TMEM8B: variants seen among roughly 807,000 people sequenced by gnomAD.
TMEM8B encodes transmembrane protein 8B.
Under a neutral mutation model 49.3 loss-of-function variants are expected in TMEM8B, and 29 were observed. The ratio of observed to expected loss-of-function variants is 0.59; its 90% CI spans 0.44 to 0.80. The LOEUF (loss-of-function observed/expected upper bound fraction) is 0.80. TMEM8B is among the 30% of genes least tolerant of loss of function. The pLI, the probability that TMEM8B is intolerant of heterozygous loss-of-function variation, is 0.00. For synonymous variants in TMEM8B, 264 were observed against 272.8 expected, an observed-to-expected ratio of 0.97 and a Z score of 0.32; for missense variants, 575 against 658.5, an observed-to-expected ratio of 0.87 and a Z score of 1.39.
rs564715522 is a variant in TMEM8B at position 35,844,848 on chromosome 9, A to G, written c.1636-1127A>G. Among the ~76,000 whole-genome samples the G allele has an allele frequency of 7.2e-5, 11 of 152,328 alleles. No individual in the cohort carries two copies. The South Asian group carries it at 1.9e-3, about 26-fold the overall frequency. On this transcript the variant is annotated intron_variant, in intron 6 of 12. Transcript: ENST00000643932. ...TTTACATTCCATCCATCTGCATTCT[A>G]TGACGCGTGCTAAGCACCTCAGCCT...
Position 35,846,957 on chromosome 9 carries a change from G to A in TMEM8B, c.2137G>A (p.Glu713Lys). ...GGCCATTCGGAGTCGATATGTGCTG[G>A]AAGCTGCAGTCTACACCTTCACCAT... ...VLAIRSRYVL[E>K]AAVYTFTMFF... The change falls in exon 10 of 13, where the codon GAA (glutamate) becomes AAA (lysine). Residue 713 changes from glutamate to lysine, a missense_variant. Transcript: ENST00000643932. 2 of 1,614,216 alleles carry A rather than the reference G, an allele frequency of 1.2e-6. No individual in the cohort carries two copies. Among genetic ancestry groups the A allele is most frequent in the South Asian group, 2.2e-5 (2 of 91,080 alleles).
chr9:35,852,750 C>T lies in TMEM8B; in HGVS notation c.2176-77C>T, dbSNP rs910938427. On this transcript the variant is annotated intron_variant, in intron 10 of 12. Transcript: ENST00000643932. ...CTGCACTGACAGCAGCACACCACCCCTGGGCCCACCCCTCCGGTTTTGTAG... is the reference window on the plus strand; with the variant it reads ...CTGCACTGACAGCAGCACACCACCCTTGGGCCCACCCCTCCGGTTTTGTAG... 33 of 1,577,998 alleles carry T rather than the reference C, an allele frequency of 2.1e-5. No individual in the cohort carries two copies. The African/African-American group carries it at 3.8e-4, about 18-fold the overall frequency.
At chr9:35,850,671 A>C (rs1429521922) in intron 10 of TMEM8B, among the ~76,000 whole-genome samples, 2 of 152,238 alleles carry the variant, frequency 1.3e-5, no homozygotes, top group African/African-American at 2.4e-5. Context: ...GCAAATTCCT[A>C]GGAGAAAGTC....
chr9:35,831,057 A>G (rs1440080179), intron 1 of TMEM8B, among the ~76,000 whole-genome samples: 1 of 152,196 alleles, frequency 6.6e-6, no homozygotes, highest in Non-Finnish European at 1.5e-5. Context: ...GGGGTGGAGA[A>G]TGGGTATCAG....
chr9:35,833,747 C>G (rs779140204), intron 1 of TMEM8B, among the ~76,000 whole-genome samples: 5 of 152,168 alleles, frequency 3.3e-5, no homozygotes, highest in Non-Finnish European at 7.3e-5. Context: ...CCTGATGACT[C>G]TCCTTTCCTG....
At chr9:35,844,768 GC>G in intron 6 of TMEM8B, among the ~76,000 whole-genome samples, 1 of 152,160 alleles carries the variant, frequency 6.6e-6, no homozygotes, top group Non-Finnish European at 1.5e-5. Flanking sequence ...CCCTCCTGCA[GC>G]CCCTCACCCT....
rs920327294 is a variant in TMEM8B, at chr9:35,841,359, C to T, written c.1040+92C>T. ...CTCTCTTGGCTTCTCCACCTACCTGCCTGGTCCCTGGGTGGGATCCCTGCC... is the reference window on the plus strand; with the variant it reads ...CTCTCTTGGCTTCTCCACCTACCTGTCTGGTCCCTGGGTGGGATCCCTGCC... On this transcript the variant is annotated intron_variant, in intron 4 of 12. Transcript: ENST00000643932. This position sits in a 1 kb window ranked among gnomAD's most constrained non-coding sequence, Gnocchi z 5.9. The T allele has an allele frequency of 2.4e-6, 1 of 414,766 alleles. No homozygotes were observed. Among genetic ancestry groups the T allele is most frequent in the Non-Finnish European group, 4.4e-6 (1 of 227,156 alleles). The allele number at this position is 414,766 out of a possible 1,614,324, so 25.7% of individuals were successfully genotyped here.
At chr9:35,845,294 A>G (rs1831411787) in intron 6 of TMEM8B, 31 of 669,144 alleles carry the variant, frequency 4.6e-5, no homozygotes, top group Non-Finnish European at 5.5e-5. Context: ...GACAGACTTT[A>G]TTTTCCTGTC....
In TMEM8B at chr9:35,834,476, CTGAT is replaced by C; in HGVS notation, c.526_529del (p.Asp176ThrfsTer9). On this transcript the variant is annotated frameshift_variant, in exon 2 of 13. Transcript: ENST00000643932. LOFTEE classifies it high-confidence loss of function. ...TGCTTCCCAGGAGGCCTTTTCCTGA[CTGAT>C]TACTCCACCTGCTCACCCCGCAAGC... is the stretch of plus-strand genomic sequence containing the variant. The C allele has an allele frequency of 2.4e-6, 1 of 416,384 alleles. No homozygotes were observed. The highest frequency in any genetic ancestry group is 4.4e-6 in the Non-Finnish European group (1 of 226,686). 25.8% of individuals were successfully genotyped at this position (416,384 alleles called of 1,614,324 possible).
rs1464193814 is a variant in TMEM8B at position 35,841,253 on chromosome 9, C to T, written c.1026C>T (p.Arg342=). 1 of 416,112 alleles carries T rather than the reference C, an allele frequency of 2.4e-6. No homozygotes were observed. The highest frequency in any genetic ancestry group is 2.1e-5 in the African/African-American group (1 of 48,686). 25.8% of individuals were successfully genotyped at this position (416,112 alleles called of 1,614,324 possible). A position where few individuals can be genotyped will look rare whatever the true frequency, so the allele number is the denominator to read the frequency against. The change falls in exon 4 of 13, where the codon CGC becomes CGT. Residue 342 remains arginine (R), a synonymous_variant. Transcript: ENST00000643932. This position sits in a 1 kb window ranked among gnomAD's most constrained non-coding sequence, Gnocchi z 5.9. ...PSEQTLSPHN[R]SALYKVFVPS... is the part of the protein sequence containing the mutation. ...AGCAAACCCTCTCCCCACACAATCG[C>T]TCAGCCCTGTACAAGTAAGTCAAAG...
intron 10 of TMEM8B, among the ~76,000 whole-genome samples, chr9:35,848,068 G>C (rs1831779676): frequency 6.6e-6 from 1 of 152,182 alleles, no homozygotes. Flanking sequence ...TGCATTACTA[G>C]GTCAGACATA....
rs1309416033 is a variant in TMEM8B, at chr9:35,857,860, A to T, written c.*4020A>T. 1 of 152,200 alleles carries T rather than the reference A, an allele frequency of 6.6e-6. No homozygotes were observed. Among genetic ancestry groups the T allele is most frequent in the Non-Finnish European group, 1.5e-5 (1 of 68,044 alleles). The allele number at this position is 152,200 out of a possible 1,614,324, so 9.4% of individuals were successfully genotyped here. A position where few individuals can be genotyped will look rare whatever the true frequency, so the allele number is the denominator to read the frequency against. On this transcript the variant is annotated 3_prime_UTR_variant, in exon 13 of 13. Coordinates refer to ENST00000643932, the MANE Select transcript of TMEM8B (RefSeq NM_001042590.4). ...GTGTGAAGTGAGGGGCAGTAAGGGC[A>T]CACTAGAATCCAGAAGGACAAACTG...
At position 35,833,774 on chromosome 9, in the gene TMEM8B, C is replaced by T. The variant is rs1373816532; in HGVS notation, c.509-687C>T. The stretch of plus-strand genomic sequence containing the variant: ...CCTTTCCTGGGGACTCTCATGGTGG[C>T]CTGCCAGCTCCTGTCCTTGCTTTTG... On this transcript the variant is annotated intron_variant, in intron 1 of 12. Coordinates refer to ENST00000643932, the MANE Select transcript of TMEM8B (RefSeq NM_001042590.4). 2.0e-5 allele frequency among the ~76,000 whole-genome samples: 3 copies of T among 152,146 alleles called. No individual in the cohort carries two copies. In the East Asian group the frequency reaches 5.8e-4, roughly 29 times the overall value.
rs893577138 is a variant in TMEM8B, at chr9:35,853,316, A to G, written c.2439+59A>G. The G allele has an allele frequency of 2.0e-6, 3 of 1,500,168 alleles. No homozygotes were observed. The highest frequency in any genetic ancestry group is 2.8e-6 in the Non-Finnish European group (3 of 1,081,476). 92.9% of individuals were successfully genotyped at this position (1,500,168 alleles called of 1,614,324 possible). A position where few individuals can be genotyped will look rare whatever the true frequency, so the allele number is the denominator to read the frequency against. The stretch of plus-strand genomic sequence containing the variant: ...CAGCAGGACTTGGGTGCTGGGCCCC[A>G]GGTATCTGGTCCCCAGTTTAAGGTG... On this transcript the variant is annotated intron_variant, in intron 12 of 12. Coordinates refer to ENST00000643932, the MANE Select transcript of TMEM8B (RefSeq NM_001042590.4). The surrounding 1 kb of genome is among the most constrained non-coding windows in gnomAD (Gnocchi z 4.2).
Position 35,846,555 on chromosome 9 carries a change from A to G in TMEM8B, c.1940A>G (p.Gln647Arg), listed in dbSNP as rs1179531047. 6.3e-7 allele frequency: 1 copy of G among 1,575,548 alleles called. No individual in the cohort carries two copies. The highest frequency in any genetic ancestry group is 8.6e-7 in the Non-Finnish European group (1 of 1,160,516). The change falls in exon 9 of 13, where the codon CAG becomes CGG. Residue 647 changes from glutamine (Q) to arginine (R), a missense_variant. Transcript: ENST00000643932. Reference sequence around the variant, plus strand: ...GTGGACGACTGCGGGCCCTACGGCCAGTGCAAGCTGCTGCGCACACACAAT... The same window carrying G: ...GTGGACGACTGCGGGCCCTACGGCCGGTGCAAGCTGCTGCGCACACACAAT... ...PCVDDCGPYG[Q>R]CKLLRTHNYL...
rs1178814717 is a variant in TMEM8B at position 35,862,872 on chromosome 9, T to C, written c.*9032T>C. 2 of 152,222 alleles carry C rather than the reference T, an allele frequency of 1.3e-5. No homozygotes were observed. The highest frequency in any genetic ancestry group is 2.9e-5 in the Non-Finnish European group (2 of 68,046). 9.4% of individuals were successfully genotyped at this position (152,222 alleles called of 1,614,324 possible). On this transcript the variant is annotated 3_prime_UTR_variant, in exon 13 of 13. Coordinates refer to ENST00000643932, the MANE Select transcript of TMEM8B (RefSeq NM_001042590.4). ...TGTATATCTCTCTCTGACTAGACTA[T>C]GAGCTATTGCAGTGAAAGGGCTGTG...
At position 35,853,973 on chromosome 9, in the gene TMEM8B, C is replaced by T; in HGVS notation, c.*133C>T. ...GAGTCTTTCTCAAGGACACAAAACTCTTCCAGGGACCTGGAGCCCTTCCCA... is the reference window on the plus strand; with the variant it reads ...GAGTCTTTCTCAAGGACACAAAACTTTTCCAGGGACCTGGAGCCCTTCCCA... On this transcript the variant is annotated 3_prime_UTR_variant, in exon 13 of 13. Coordinates refer to ENST00000643932, the MANE Select transcript of TMEM8B (RefSeq NM_001042590.4). This position sits in a 1 kb window ranked among gnomAD's most constrained non-coding sequence, Gnocchi z 4.2. 7.3e-7 allele frequency: 1 copy of T among 1,374,852 alleles called. No homozygotes were observed. The highest frequency in any genetic ancestry group is 9.4e-7 in the Non-Finnish European group (1 of 1,068,686). 85.2% of individuals were successfully genotyped at this position (1,374,852 alleles called of 1,614,324 possible).
In TMEM8B at chr9:35,829,718, C is replaced by G. The variant is rs1021840120; in HGVS notation, c.271C>G (p.Pro91Ala). Residue 91 changes from proline to alanine, a missense_variant, in exon 1 of 13, where the codon CCA (proline) becomes GCA (alanine). By Grantham distance (27) the Pro-to-Ala change is conservative (BLOSUM62 -1). Coordinates refer to ENST00000643932, the MANE Select transcript of TMEM8B (RefSeq NM_001042590.4). Reference protein sequence around the residue: ...LAQPRPLLQSPSQPFLPSHSL... With the variant: ...LAQPRPLLQSASQPFLPSHSL... ...TCAACCCCGTCCCTTGCTGCAGTCC[C>G]CATCACAGCCCTTCCTTCCATCCCA... The G allele has an allele frequency of 2.5e-6, 1 of 407,958 alleles. No individual in the cohort carries two copies. The highest frequency in any genetic ancestry group is 2.1e-5 in the African/African-American group (1 of 48,726). 25.3% of individuals were successfully genotyped at this position (407,958 alleles called of 1,614,324 possible). A position where few individuals can be genotyped will look rare whatever the true frequency, so the allele number is the denominator to read the frequency against.
At position 35,853,739 on chromosome 9, in the gene TMEM8B, C is replaced by T. The variant is rs201940289; in HGVS notation, c.2674C>T (p.Arg892Trp). 996 of 1,613,312 alleles carry T rather than the reference C, an allele frequency of 6.2e-4. No individual in the cohort carries two copies. The highest frequency in any genetic ancestry group is 8.0e-4 in the Non-Finnish European group (940 of 1,179,478). The change falls in exon 13 of 13, where the codon CGG (arginine) becomes TGG (tryptophan). Residue 892 changes from arginine (R) to tryptophan (W), a missense_variant. By Grantham distance (101) the Arg-to-Trp change is moderately radical (BLOSUM62 -3). Coordinates refer to ENST00000643932, the MANE Select transcript of TMEM8B (RefSeq NM_001042590.4). The surrounding 1 kb of genome is among the most constrained non-coding windows in gnomAD (Gnocchi z 4.2). ...KTDHGVPSGA[R>W]ARGCGYQLCI... The stretch of plus-strand genomic sequence containing the variant: ...TGACCACGGGGTCCCATCTGGAGCC[C>T]GGGCCCGGGGCTGTGGTTACCAGCT...
Sources: gnomAD v4.1 joint callset for allele counts (sites outside exome capture counted in the v4.1 genomes callset) on GRCh38, gnomAD v4.1.1 for gene constraint, Gnocchi (gnomAD v3.1) non-coding constraint, MANE v1.5 for transcripts, NCBI Gene and HGNC (gene_info 2026-07-23, HGNC 2026-07-21) for gene names.